Variants in UBE4B observed in about 807,000 individuals in gnomAD.
The protein encoded by UBE4B is ubiquitin conjugation factor E4 B.
In UBE4B, 27 loss-of-function variants were observed where a neutral mutation model predicts 148.1. The observed-to-expected ratio is 0.18, with a 90% CI of 0.13 to 0.25. The LOEUF is 0.25. Ranked by LOEUF, UBE4B falls within the 10% of genes least tolerant of loss-of-function variation. UBE4B has a pLI of 1.00. For synonymous variants in UBE4B, 596 were observed against 619.3 expected (o/e 0.96, Z 0.56); for missense variants, 1,170 against 1,662.4 (o/e 0.70, Z 5.15).
chr1:10,114,673 G>A (rs1415575739), intron 7 of UBE4B, among the ~76,000 whole-genome samples: 1 of 152,050 alleles, frequency 6.6e-6, no homozygotes, highest in African/African-American at 2.4e-5. Context: ...AGACTATCCC[G>A]GCCAACATGG....
At chr1:10,179,370 C>A in intron 26 of UBE4B, 46 bp from the exon 27 acceptor site, 1 of 1,590,884 alleles carries the variant, frequency 6.3e-7, no homozygotes, top group South Asian at 1.1e-5. Flanking sequence ...CTTTTTCAGT[C>A]GTGGGCTCTC....
At chr1:10,129,635 G>C (rs1645559019) in intron 12 of UBE4B, among the ~76,000 whole-genome samples, 187 bp downstream of exon 12, 2 of 152,076 alleles carry the variant, frequency 1.3e-5, no homozygotes, top group South Asian at 4.1e-4. Flanking sequence ...CATTACAGTT[G>C]TTCATTTCTA....
At chr1:10,117,629 A>T in intron 8 of UBE4B, 29 bp downstream of exon 8, 1 of 1,554,882 alleles carries the variant, frequency 6.4e-7, no homozygotes, top group Non-Finnish European at 8.6e-7. Flanking sequence ...ACTTAAAAAA[A>T]AAAAAGCCTA....
At chr1:10,154,559 C>G (rs771022422) in intron 21 of UBE4B, among the ~76,000 whole-genome samples, 2 of 151,848 alleles carry the variant, frequency 1.3e-5, no homozygotes, top group Non-Finnish European at 2.9e-5. Flanking sequence ...AACAACTGGC[C>G]GGGCTCAGTG....
intron 7 of UBE4B, among the ~76,000 whole-genome samples, chr1:10,109,957 C>A (rs1330207395): frequency 6.6e-6 from 1 of 152,108 alleles, no homozygotes; most frequent in Admixed American, 6.6e-5. Context: ...CCTCGGCCTC[C>A]CAAATTGCTG....
At position 10,106,087 on chromosome 1, in the gene UBE4B, T is replaced by G; in HGVS notation, c.810-110T>G. The G allele has an allele frequency of 7.8e-7, 1 of 1,275,084 alleles. No homozygotes were observed. The highest frequency in any genetic ancestry group is 1.1e-6 in the Non-Finnish European group (1 of 931,704). The allele number at this position is 1,275,084 out of a possible 1,614,324, so 79.0% of individuals were successfully genotyped here. A position where few individuals can be genotyped will look rare whatever the true frequency, so the allele number is the denominator to read the frequency against. On this transcript the variant is annotated intron_variant, in intron 6 of 27. Coordinates refer to ENST00000343090, the MANE Select transcript of UBE4B (RefSeq NM_001105562.3). This position sits in a 1 kb window ranked among gnomAD's most constrained non-coding sequence, Gnocchi z 4.2. ...TTAGATGTTTATCTGCTAGATATAC[T>G]TGAACTGAAATGATTCTCCTTTAAA...
At chr1:10,101,249 G>A in intron 4 of UBE4B, 54 bp downstream of exon 4, 2 of 1,561,282 alleles carry the variant, frequency 1.3e-6, no homozygotes, top group South Asian at 2.2e-5. Context: ...CACATTTCAT[G>A]TCTTGTATCT....
At chr1:10,077,554 C>T (rs1184771339) in intron 2 of UBE4B, among the ~76,000 whole-genome samples, 1 of 152,208 alleles carries the variant, frequency 6.6e-6, no homozygotes, top group African/African-American at 2.4e-5. Flanking sequence ...GTGCTTAGCA[C>T]ATGGCAAGCA....
chr1:10,039,073 C>A (rs897165721), intron 1 of UBE4B, among the ~76,000 whole-genome samples: 6 of 150,572 alleles, frequency 4.0e-5, no homozygotes, highest in Non-Finnish European at 5.9e-5. Context: ...AACAAACAAA[C>A]AAAAAAACAC....
chr1:10,078,796 A>C (rs904746052), intron 2 of UBE4B, among the ~76,000 whole-genome samples: 2 of 152,048 alleles, frequency 1.3e-5, no homozygotes, highest in Non-Finnish European at 2.9e-5. Flanking sequence ...TTCCAGTGGA[A>C]TAGGTCTGCC....
intron 25 of UBE4B, among the ~76,000 whole-genome samples, chr1:10,173,800 G>A (rs550518712): frequency 3.6e-4 from 55 of 152,302 alleles, no homozygotes; most frequent in South Asian, 6.2e-4. Context: ...GGCGCTTAAC[G>A]TAACACACAG....
At chr1:10,138,479 C>G (rs1645732926) in intron 17 of UBE4B, among the ~76,000 whole-genome samples, 1 of 152,166 alleles carries the variant, frequency 6.6e-6, no homozygotes. Flanking sequence ...GGCGATCCGA[C>G]TGCCTCCGCC....
In UBE4B at chr1:10,135,204, G is replaced by T. The variant is rs1484512459; in HGVS notation, c.2224+18G>T. On this transcript the variant is annotated intron_variant, in intron 16 of 27. Coordinates refer to ENST00000343090, the MANE Select transcript of UBE4B (RefSeq NM_001105562.3). Reference sequence around the variant, plus strand: ...TGAACTCTGTGAGTACTGTGTTCGTGACTCGGTCATTAAAACACTGCCCTC... The same window carrying T: ...TGAACTCTGTGAGTACTGTGTTCGTTACTCGGTCATTAAAACACTGCCCTC... 1 of 1,605,076 alleles carries T rather than the reference G, an allele frequency of 6.2e-7. No homozygotes were observed. Among genetic ancestry groups the T allele is most frequent in the Non-Finnish European group, 8.5e-7 (1 of 1,175,078 alleles).
intron 25 of UBE4B, among the ~76,000 whole-genome samples, chr1:10,176,784 CTTTTTTTT>C (rs946016031): frequency 5.7e-4 from 69 of 121,778 alleles, no homozygotes; most frequent in African/African-American, 1.8e-3. Flanking sequence ...TTTTCTTTTT[CTTTTTTTT>C]TTTTTTTTTT....
chr1:10,158,411 T>C lies in UBE4B; in HGVS notation c.2982T>C (p.Tyr994=). The change falls in exon 22 of 28, where the codon TAT becomes TAC. Residue 994 remains tyrosine (Y), a synonymous_variant. Transcript: ENST00000343090. ...SEFYDKFTIR[Y]HISTIFKSLW... ...TTTATGACAAGTTCACAATTCGCTA[T>C]CATATTAGCACCATTTTTAAAAGCC... 1.9e-6 allele frequency: 3 copies of C among 1,614,204 alleles called. No individual in the cohort carries two copies. The highest frequency in any genetic ancestry group is 2.5e-6 in the Non-Finnish European group (3 of 1,180,034).
chr1:10,134,886 G>C (rs1309014564), intron 15 of UBE4B, 102 bp from the exon 16 acceptor site: 2 of 984,496 alleles, frequency 2.0e-6, no homozygotes, highest in Non-Finnish European at 3.0e-6. Context: ...TTGCAGCCAA[G>C]ATCACACCCC....
chr1:10,056,759 G>A (rs1172819270), intron 1 of UBE4B, among the ~76,000 whole-genome samples: 1 of 152,152 alleles, frequency 6.6e-6, no homozygotes, highest in African/African-American at 2.4e-5. Flanking sequence ...GAGAAGATGG[G>A]GCCTGGGGTA....
intron 2 of UBE4B, among the ~76,000 whole-genome samples, chr1:10,084,574 A>G (rs1008928118): frequency 6.6e-6 from 1 of 151,830 alleles, no homozygotes; most frequent in East Asian, 1.9e-4. Flanking sequence ...TTGTGTTTCT[A>G]TCTGTTGAGC....
Position 10,106,354 on chromosome 1 carries a change from A to G in UBE4B, c.967A>G (p.Ser323Gly). The change falls in exon 7 of 28, where the codon AGC (serine) becomes GGC (glycine). Residue 323 changes from serine (S) to glycine (G), a missense_variant. Transcript: ENST00000343090. This position sits in a 1 kb window ranked among gnomAD's most constrained non-coding sequence, Gnocchi z 4.2. ...TGCAGCCTCTGGAACTGCTGCGGGA[A>G]GCCAGCCTTCATCCCCGCGGTATCG... ...HSAASGTAAG[S>G]QPSSPRYRPY... 1 of 1,613,886 alleles carries G rather than the reference A, an allele frequency of 6.2e-7. No individual in the cohort carries two copies. Among genetic ancestry groups the G allele is most frequent in the South Asian group, 1.1e-5 (1 of 91,078 alleles).
Sources: gnomAD v4.1 joint callset for allele counts (sites outside exome capture counted in the v4.1 genomes callset) on GRCh38, gnomAD v4.1.1 for gene constraint, Gnocchi (gnomAD v3.1) non-coding constraint, MANE v1.5 for transcripts, NCBI Gene and HGNC (gene_info 2026-07-23, HGNC 2026-07-21) for gene names.